BAZ1A: variants seen among roughly 807,000 people sequenced by gnomAD.
The protein encoded by BAZ1A is bromodomain adjacent to zinc finger domain 1A, also known as bromodomain adjacent to zinc finger domain protein 1A.
A neutral mutation model predicts 185.2 loss-of-function variants in BAZ1A; 50 were observed. The observed-to-expected ratio is 0.27, with a 90% CI of 0.22 to 0.34. BAZ1A has a LOEUF of 0.34. Ranked by LOEUF, BAZ1A falls within the 10% of genes least tolerant of loss-of-function variation. BAZ1A has a pLI of 1.00. For synonymous variants in BAZ1A, 571 were observed against 615.6 expected (o/e 0.93, Z 1.07); for missense variants, 1,356 against 1,839.9 (o/e 0.74, Z 4.81).
At chr14:34,803,352 C>A (rs1881673897) in intron 6 of BAZ1A, among the ~76,000 whole-genome samples, 1 of 139,674 alleles carries the variant, frequency 7.2e-6, no homozygotes, top group Non-Finnish European at 1.5e-5. Context: ...GCACTCCAGC[C>A]TGGTGACAGA....
intron 2 of BAZ1A, among the ~76,000 whole-genome samples, chr14:34,865,055 C>T (rs566155308): frequency 2.6e-5 from 4 of 152,196 alleles, no homozygotes; most frequent in South Asian, 4.1e-4. Flanking sequence ...AAATTACAGG[C>T]GTGAGCCACC....
At chr14:34,837,511 T>A (rs1474175315) in intron 3 of BAZ1A, among the ~76,000 whole-genome samples, 1 of 152,030 alleles carries the variant, frequency 6.6e-6, no homozygotes, top group African/African-American at 2.4e-5. Flanking sequence ...AGTGCTGGGA[T>A]TATAGGCATG....
intron 24 of BAZ1A, among the ~76,000 whole-genome samples, chr14:34,759,184 T>TTTTTTGTTTTG (rs1555336963): frequency 1.0e-4 from 11 of 108,026 alleles, no homozygotes; most frequent in South Asian, 3.7e-4. Context: ...TTTTTTTTTT[T>TTTTTTGTTTTG]TTTTTTTTTT....
intron 2 of BAZ1A, among the ~76,000 whole-genome samples, chr14:34,866,502 A>G (rs8021528): frequency 1.0e-4 from 8 of 79,566 alleles, no homozygotes; most frequent in Admixed American, 3.0e-4. Flanking sequence ...AAAAAAAAAA[A>G]GAAAAAAGTT....
chr14:34,801,832 G>A (rs530779427), intron 7 of BAZ1A, among the ~76,000 whole-genome samples: 17 of 151,746 alleles, frequency 1.1e-4, no homozygotes, highest in Non-Finnish European at 2.4e-4. Flanking sequence ...CTTGAACCCA[G>A]GAGGTGGAGG....
chr14:34,764,480 C>T (rs562021301), intron 23 of BAZ1A, among the ~76,000 whole-genome samples: 72 of 151,804 alleles, frequency 4.7e-4, no homozygotes, highest in African/African-American at 1.6e-3. Context: ...TTAGTAGAGA[C>T]GGGGTTTCAC....
At position 34,786,839 on chromosome 14, in the gene BAZ1A, C is replaced by T. The variant is rs896452749; in HGVS notation, c.1511-618G>A. On this transcript the variant is annotated intron_variant, in intron 12 of 26. Transcript: ENST00000360310. ...GTCAGGCTGGTCTCGAACTCCTGAC[C>T]TCAGGTGATCCACCCACCTCAGCCT... 6.6e-5 allele frequency among the ~76,000 whole-genome samples: 10 copies of T among 151,726 alleles called. No individual in the cohort carries two copies. In the East Asian group the frequency reaches 1.4e-3, roughly 21 times the overall value.
chr14:34,803,330 G>A (rs1459361744), intron 6 of BAZ1A, among the ~76,000 whole-genome samples: 2 of 142,460 alleles, frequency 1.4e-5, no homozygotes, highest in Admixed American at 7.5e-5. Context: ...AGTGAGCAGA[G>A]ATCGTGCCAC....
chr14:34,796,918 G>A (rs942800908), intron 9 of BAZ1A, among the ~76,000 whole-genome samples: 2 of 152,212 alleles, frequency 1.3e-5, no homozygotes, highest in African/African-American at 4.8e-5. Flanking sequence ...GTTGCTAACA[G>A]TGTAAATAAG....
At chr14:34,824,537 T>C (rs1415584906) in intron 4 of BAZ1A, among the ~76,000 whole-genome samples, 2 of 152,048 alleles carry the variant, frequency 1.3e-5, no homozygotes, top group African/African-American at 4.8e-5. Flanking sequence ...ACAAAGCCAA[T>C]TAACCTTCCT....
In BAZ1A at chr14:34,862,265, C is replaced by A. The variant is rs1452010603; in HGVS notation, c.171G>T (p.Thr57=). The change falls in exon 3 of 27, where the codon ACG becomes ACT. Residue 57 remains threonine, a synonymous_variant. Transcript: ENST00000360310. ...CNSLVWSCAV[T]GRPGLTYQEA... is the part of the protein sequence containing the mutation. Reference sequence around the variant, plus strand: ...CCTGATACGTCAGTCCAGGTCTACCCGTCACAGCACAACTCCACACAAGGC... The same window carrying A: ...CCTGATACGTCAGTCCAGGTCTACCAGTCACAGCACAACTCCACACAAGGC... 10 of 1,613,970 alleles carry A rather than the reference C, an allele frequency of 6.2e-6. No homozygotes were observed. The highest frequency in any genetic ancestry group is 7.6e-6 in the Non-Finnish European group (9 of 1,179,998).
chr14:34,789,771 G>C (rs930454475), intron 12 of BAZ1A, among the ~76,000 whole-genome samples: 3 of 152,160 alleles, frequency 2.0e-5, no homozygotes, highest in Non-Finnish European at 4.4e-5. Flanking sequence ...AAAGAAATTA[G>C]ATCTTCTCAA....
At chr14:34,859,994 A>G (rs1281662545) in intron 3 of BAZ1A, among the ~76,000 whole-genome samples, 1 of 152,170 alleles carries the variant, frequency 6.6e-6, no homozygotes, top group African/African-American at 2.4e-5. Context: ...GGATCTAATA[A>G]CTGTAACCAT....
At chr14:34,796,193 T>C (rs76738597) in intron 9 of BAZ1A, among the ~76,000 whole-genome samples, 9,760 of 107,532 alleles carry the variant, frequency 0.091, 424 homozygotes, top group Non-Finnish European at 0.13. Context: ...CACACACACA[T>C]ATATGCATGC....
intron 2 of BAZ1A, among the ~76,000 whole-genome samples, chr14:34,873,942 A>C (rs7153744): frequency 0.022 from 3,267 of 151,004 alleles, 133 homozygotes; most frequent in African/African-American, 0.076. Flanking sequence ...GCGAGTCTCA[A>C]CTCCGCTCCT....
chr14:34,858,050 C>A (rs1466276922), intron 3 of BAZ1A, among the ~76,000 whole-genome samples: 1 of 152,070 alleles, frequency 6.6e-6, no homozygotes, highest in East Asian at 1.9e-4. Context: ...AGCAATACAG[C>A]GAACAAAAAT....
rs1880403255 is a variant in BAZ1A at position 34,785,826 on chromosome 14, G to A, written c.1782C>T (p.Pro594=). Residue 594 remains proline, a synonymous_variant, in exon 14 of 27, where the codon CCC becomes CCT. Transcript: ENST00000360310. ...DACMELRLSN[P]SLVKKLSSTS... ...TGCTTGACAGTTTCTTCACTAGACT[G>A]GGATTGCTCAAACGAAGCTCCATAC... 6.2e-7 allele frequency: 1 copy of A among 1,613,996 alleles called. No individual in the cohort carries two copies. The highest frequency in any genetic ancestry group is 8.5e-7 in the Non-Finnish European group (1 of 1,180,016).
chr14:34,769,985 G>A (rs1183879053), intron 21 of BAZ1A, among the ~76,000 whole-genome samples: 18 of 152,162 alleles, frequency 1.2e-4, no homozygotes, highest in Admixed American at 9.2e-4. Context: ...GTGGCCAGTG[G>A]GTTATTAAGC....
At chr14:34,771,153 T>A in intron 21 of BAZ1A, 1 of 182,574 alleles carries the variant, frequency 5.5e-6, no homozygotes, top group Non-Finnish European at 1.1e-5. Flanking sequence ...CCATGATGCC[T>A]AGCTAATTTT....
Sources: allele counts gnomAD v4.1 joint callset (sites outside exome capture counted in the v4.1 genomes callset), GRCh38; gene constraint gnomAD v4.1.1; transcripts MANE v1.5; gene names NCBI Gene and HGNC (gene_info 2026-07-23, HGNC 2026-07-21).